Variants in GALNT1 observed in about 807,000 individuals in gnomAD.
The protein encoded by GALNT1 is GalNAc transferase 1.
Under a neutral mutation model 65.7 loss-of-function variants are expected in GALNT1, and 17 were observed. The ratio of observed to expected loss-of-function variants is 0.26; its 90% confidence interval spans 0.18 to 0.39. The LOEUF (loss-of-function observed/expected upper bound fraction) is 0.39. Ranked by LOEUF, GALNT1 falls within the 10% of genes least tolerant of loss-of-function variation. The pLI is 1.00. For missense variants in GALNT1, 460 were observed against 672.8 expected (o/e 0.68, Z 3.50); for synonymous variants, 210 against 219.7 (o/e 0.96, Z 0.39).
At chr18:35,689,993 A>G (rs1456692452) in intron 7 of GALNT1, among the ~76,000 whole-genome samples, 1 of 152,044 alleles carries the variant, frequency 6.6e-6, no homozygotes, top group East Asian at 1.9e-4. Flanking sequence ...ACTCAATATC[A>G]CCTTGGAGAT....
chr18:35,633,433 C>A (rs1237578277), intron 1 of GALNT1, among the ~76,000 whole-genome samples: 2 of 151,468 alleles, frequency 1.3e-5, no homozygotes, highest in Non-Finnish European at 2.9e-5. Context: ...TCTCAGCAAA[C>A]TATCACAAGG....
At chr18:35,680,449 A>G (rs970994481) in intron 4 of GALNT1, among the ~76,000 whole-genome samples, 1 of 152,188 alleles carries the variant, frequency 6.6e-6, no homozygotes, top group Non-Finnish European at 1.5e-5. Context: ...TAGACTGTAT[A>G]CTTTGTCAGG....
Position 35,691,074 on chromosome 18 carries a change from G to A in GALNT1, c.1041G>A (p.Arg347=), listed in dbSNP as rs2047953720. The A allele has an allele frequency of 1.9e-6, 3 of 1,611,414 alleles. No individual in the cohort carries two copies. Among genetic ancestry groups the A allele is most frequent in the Non-Finnish European group, 2.5e-6 (3 of 1,179,092 alleles). ...GCTCACATGTTGGACATGTGTTTCG[G>A]AAAGCTACACCTTACACGTTTCCAG... ...VTCSHVGHVF[R]KATPYTFPGG... The change falls in exon 8 of 12, where the codon CGG becomes CGA. Residue 347 remains arginine (R), a synonymous_variant. Transcript: ENST00000269195.
chr18:35,686,583 C>G (rs966148851), intron 5 of GALNT1, among the ~76,000 whole-genome samples: 1 of 152,076 alleles, frequency 6.6e-6, no homozygotes, highest in Non-Finnish European at 1.5e-5. Flanking sequence ...ACAGAGCAGT[C>G]ACTCATAGTT....
At chr18:35,651,199 T>G (rs569250523) in intron 1 of GALNT1, among the ~76,000 whole-genome samples, 2 of 152,278 alleles carry the variant, frequency 1.3e-5, no homozygotes, top group African/African-American at 4.8e-5. Context: ...TTTTCAAGGC[T>G]TCCTAGATTA....
At chr18:35,635,525 G>C (rs769550791) in intron 1 of GALNT1, among the ~76,000 whole-genome samples, 1 of 152,158 alleles carries the variant, frequency 6.6e-6, no homozygotes, top group Non-Finnish European at 1.5e-5. Context: ...GGTCATTGCC[G>C]TGACTCCAGG....
intron 2 of GALNT1, 54 bp from the exon 3 acceptor site, chr18:35,663,574 G>T: frequency 6.6e-7 from 1 of 1,520,984 alleles, no homozygotes; most frequent in South Asian, 1.2e-5. Context: ...ATAGAATCAT[G>T]AATCAATCAA....
At chr18:35,586,767 T>C (rs2046382758) in intron 1 of GALNT1, among the ~76,000 whole-genome samples, 1 of 152,222 alleles carries the variant, frequency 6.6e-6, no homozygotes, top group South Asian at 2.1e-4. Flanking sequence ...TGGGGTAGAC[T>C]GATTCCTCCT....
chr18:35,611,772 G>C (rs193164862), intron 1 of GALNT1, among the ~76,000 whole-genome samples: 2 of 152,164 alleles, frequency 1.3e-5, no homozygotes, highest in Non-Finnish European at 2.9e-5. Flanking sequence ...ATGGTAATAC[G>C]TTGTTGTGGT....
In GALNT1 at chr18:35,594,911, T is replaced by C. The variant is rs539361738; in HGVS notation, c.-104+13049T>C. On this transcript the variant is annotated intron_variant, in intron 1 of 11. Coordinates refer to ENST00000269195, the MANE Select transcript of GALNT1 (RefSeq NM_020474.4). ...ACTCGAGACAGAGGACAAATCAGGA[T>C]TGAGGCCAATGGGGACTATAAGCTT... Among the ~76,000 whole-genome samples, 157 of 152,198 alleles carry C rather than the reference T, an allele frequency of 1.0e-3. 1 individual carries two copies. Among genetic ancestry groups the C allele is most frequent in the African/African-American group, 3.6e-3 (148 of 41,526 alleles).
chr18:35,586,426 A>G (rs1016926401), intron 1 of GALNT1, among the ~76,000 whole-genome samples: 2 of 152,106 alleles, frequency 1.3e-5, no homozygotes, highest in Non-Finnish European at 2.9e-5. Flanking sequence ...CAAAAGTTTT[A>G]AATTTGTTGA....
intron 1 of GALNT1, among the ~76,000 whole-genome samples, chr18:35,613,161 A>G (rs1345043926): frequency 2.0e-5 from 3 of 152,090 alleles, no homozygotes; most frequent in Non-Finnish European, 4.4e-5. Context: ...CTCTGCTCCT[A>G]CAGAAGTGCT....
intron 1 of GALNT1, among the ~76,000 whole-genome samples, chr18:35,630,511 C>A (rs959878450): frequency 6.6e-6 from 1 of 152,134 alleles, no homozygotes; most frequent in Non-Finnish European, 1.5e-5. Flanking sequence ...CCAGCAAGAA[C>A]AAAGACACAA....
At chr18:35,630,467 G>A (rs995209465) in intron 1 of GALNT1, among the ~76,000 whole-genome samples, 1 of 152,138 alleles carries the variant, frequency 6.6e-6, no homozygotes, top group Non-Finnish European at 1.5e-5. Flanking sequence ...GGTACATAAT[G>A]AAATGAAGGC....
chr18:35,625,171 G>T (rs1030548582), intron 1 of GALNT1, among the ~76,000 whole-genome samples: 1 of 152,122 alleles, frequency 6.6e-6, no homozygotes, highest in African/African-American at 2.4e-5. Context: ...TCCCATGCTG[G>T]GGATGTTTAC....
At chr18:35,622,897 T>A (rs1326698812) in intron 1 of GALNT1, among the ~76,000 whole-genome samples, 1 of 152,056 alleles carries the variant, frequency 6.6e-6, no homozygotes, top group Non-Finnish European at 1.5e-5. Flanking sequence ...TATTTCTAGT[T>A]TTCCATGAGT....
intron 6 of GALNT1, among the ~76,000 whole-genome samples, chr18:35,687,438 C>T (rs192161652): frequency 2.0e-5 from 3 of 152,122 alleles, no homozygotes. Context: ...TTTTTTCATT[C>T]CTTTATGAAC....
intron 1 of GALNT1, among the ~76,000 whole-genome samples, chr18:35,617,266 A>G (rs746205536): frequency 9.2e-5 from 14 of 152,140 alleles, no homozygotes; most frequent in Non-Finnish European, 1.9e-4. Flanking sequence ...AATGCTTGGC[A>G]TATAGTAGGG....
intron 1 of GALNT1, among the ~76,000 whole-genome samples, chr18:35,637,798 C>T (rs2047110299): frequency 6.6e-6 from 1 of 152,154 alleles, no homozygotes; most frequent in African/African-American, 2.4e-5. Context: ...TTTAAAGCGT[C>T]AAAGAACAGA....
Sources: allele counts gnomAD v4.1 joint callset (sites outside exome capture counted in the v4.1 genomes callset), GRCh38; gene constraint gnomAD v4.1.1; transcripts MANE v1.5; gene names NCBI Gene and HGNC (gene_info 2026-07-23, HGNC 2026-07-21).